The following HMBOX1 variants were observed in gnomAD, a reference collection of about 807,000 sequenced individuals.
HMBOX1 encodes the protein homeobox containing 1.
A neutral mutation model predicts 54.5 loss-of-function variants in HMBOX1; 14 were observed. The ratio of observed to expected loss-of-function variants is 0.26; its 90% CI spans 0.17 to 0.40. The LOEUF is 0.40. Ranked by LOEUF, HMBOX1 falls within the 10% of genes least tolerant of loss-of-function variation. The pLI is 1.00. For missense variants in HMBOX1, 332 were observed against 514.4 expected (o/e 0.65, Z 3.43); for synonymous variants, 160 against 181.0 (o/e 0.88, Z 0.93).
chr8:29,003,952 A>T (rs549685749), intron 4 of HMBOX1, among the ~76,000 whole-genome samples: 1 of 152,146 alleles, frequency 6.6e-6, no homozygotes, highest in African/African-American at 2.4e-5. Flanking sequence ...AGTTACTGCA[A>T]TTGTCCAGGC....
chr8:28,910,466 C>G (rs1815204041), intron 1 of HMBOX1, among the ~76,000 whole-genome samples: 1 of 152,126 alleles, frequency 6.6e-6, no homozygotes, highest in African/African-American at 2.4e-5. Flanking sequence ...CTATGTTTAG[C>G]TTTTTAAGAA....
intron 1 of HMBOX1, among the ~76,000 whole-genome samples, chr8:28,895,389 T>C (rs930237272): frequency 4.6e-5 from 7 of 152,134 alleles, no homozygotes; most frequent in African/African-American, 1.7e-4. Flanking sequence ...ATTTTGATAA[T>C]ATAGGCCAGG....
At chr8:28,954,040 CATG>C (rs1470360493) in intron 1 of HMBOX1, among the ~76,000 whole-genome samples, 1 of 152,016 alleles carries the variant, frequency 6.6e-6, no homozygotes, top group Non-Finnish European at 1.5e-5. Context: ...GCTGGAGTTT[CATG>C]ATATTTTTTA....
chr8:28,963,918 A>G, intron 2 of HMBOX1, 28 bp downstream of exon 2: 14 of 1,541,474 alleles, frequency 9.1e-6, no homozygotes, highest in South Asian at 1.1e-5. Context: ...TTTGATTTTT[A>G]TCTTCACAAT....
intron 7 of HMBOX1, chr8:29,046,435 A>T (rs576961200): frequency 6.6e-6 from 1 of 152,244 alleles, no homozygotes; most frequent in African/African-American, 2.4e-5. Context: ...GAAATGTTAC[A>T]GGGGGGTCTG....
Position 29,051,517 on chromosome 8 carries a change from G to T in HMBOX1, c.*362G>T. ...AAATCTTGGGTACCTTTAGATTCTT[G>T]TAACACTAGTCTGTACTCCCTTTTC... On this transcript the variant is annotated 3_prime_UTR_variant, in exon 10 of 10. Coordinates refer to ENST00000287701, the MANE Select transcript of HMBOX1 (RefSeq NM_001135726.3). The T allele has an allele frequency of 2.8e-6, 2 of 702,776 alleles. No homozygotes were observed. The highest frequency in any genetic ancestry group is 5.4e-5 in the East Asian group (2 of 37,290). 43.5% of individuals were successfully genotyped at this position (702,776 alleles called of 1,614,324 possible).
intron 1 of HMBOX1, among the ~76,000 whole-genome samples, chr8:28,915,123 T>TTG (rs1229130371): frequency 6.6e-6 from 1 of 152,232 alleles, no homozygotes; most frequent in Non-Finnish European, 1.5e-5. Flanking sequence ...TAGTGTTGTG[T>TTG]TGTTTTACTT....
At chr8:28,921,614 A>G (rs1380802140) in intron 1 of HMBOX1, among the ~76,000 whole-genome samples, 4 of 152,366 alleles carry the variant, frequency 2.6e-5, no homozygotes, top group African/African-American at 9.6e-5. Context: ...TGATAACTGC[A>G]TATGTTTCAT....
chr8:29,022,195 C>T (rs896889549), intron 6 of HMBOX1, among the ~76,000 whole-genome samples: 2 of 152,088 alleles, frequency 1.3e-5, no homozygotes, highest in Admixed American at 6.6e-5. Context: ...GGTGAAAGAA[C>T]CACTTGAGGC....
chr8:28,964,839 C>G (rs547980659), intron 2 of HMBOX1, among the ~76,000 whole-genome samples: 1 of 149,722 alleles, frequency 6.7e-6, no homozygotes, highest in Non-Finnish European at 1.5e-5. Flanking sequence ...GAAGGCACTT[C>G]ACCTCTTTGG....
intron 1 of HMBOX1, among the ~76,000 whole-genome samples, chr8:28,943,524 C>G (rs902038814): frequency 2.6e-4 from 39 of 152,178 alleles, no homozygotes; most frequent in African/African-American, 9.2e-4. Flanking sequence ...GCACCTTTCA[C>G]ATGGAAATGT....
chr8:28,971,390 C>T (rs1827390692), intron 3 of HMBOX1, among the ~76,000 whole-genome samples: 1 of 151,980 alleles, frequency 6.6e-6, no homozygotes, highest in Non-Finnish European at 1.5e-5. Context: ...TGCACCCAGC[C>T]GAAAAGAAAT....
At chr8:28,990,168 CTT>C (rs1453518368) in intron 4 of HMBOX1, among the ~76,000 whole-genome samples, 2 of 152,084 alleles carry the variant, frequency 1.3e-5, no homozygotes, top group Non-Finnish European at 2.9e-5. Flanking sequence ...AATGTGTCTT[CTT>C]TCTTTCTTCT....
chr8:28,960,047 T>C (rs1825189238), intron 1 of HMBOX1, among the ~76,000 whole-genome samples: 1 of 152,008 alleles, frequency 6.6e-6, no homozygotes, highest in Non-Finnish European at 1.5e-5. Context: ...TTCTGTGTAA[T>C]TATTTAATAG....
At chr8:28,913,031 T>C (rs1463608372) in intron 1 of HMBOX1, among the ~76,000 whole-genome samples, 1 of 152,192 alleles carries the variant, frequency 6.6e-6, no homozygotes, top group African/African-American at 2.4e-5. Context: ...TCTTCTATAT[T>C]CTGTTTCCAA....
intron 1 of HMBOX1, among the ~76,000 whole-genome samples, chr8:28,938,245 AAATT>A (rs1489675449): frequency 1.3e-5 from 2 of 152,232 alleles, no homozygotes; most frequent in Non-Finnish European, 2.9e-5. Flanking sequence ...AAAATCGAGA[AAATT>A]AATATCTGCT....
chr8:28,962,515 A>G (rs559892800), intron 1 of HMBOX1, among the ~76,000 whole-genome samples: 2 of 129,244 alleles, frequency 1.5e-5, no homozygotes, highest in South Asian at 4.8e-4. Flanking sequence ...ATTACAGAAT[A>G]AAGGTCAGGA....
intron 1 of HMBOX1, among the ~76,000 whole-genome samples, chr8:28,904,629 AC>A (rs1238882618): frequency 6.6e-6 from 1 of 151,316 alleles, no homozygotes; most frequent in Non-Finnish European, 1.5e-5. Context: ...CAAACATTGA[AC>A]CTTTTTTTGT....
intron 1 of HMBOX1, among the ~76,000 whole-genome samples, chr8:28,925,687 T>C (rs1818325973): frequency 6.6e-6 from 1 of 152,186 alleles, no homozygotes; most frequent in South Asian, 2.1e-4. Context: ...ATCTATTCCA[T>C]TTCTTCCTCA....
Sources: allele counts gnomAD v4.1 joint callset (sites outside exome capture counted in the v4.1 genomes callset), GRCh38; gene constraint gnomAD v4.1.1; transcripts MANE v1.5; gene names NCBI Gene and HGNC (gene_info 2026-07-23, HGNC 2026-07-21).